Variants in BRIP1 observed in about 807,000 individuals in gnomAD.
BRIP1 encodes BRCA1 interacting DNA helicase 1.
In BRIP1, 88 loss-of-function variants were observed where a neutral mutation model predicts 119.7. That is an observed-to-expected ratio of 0.74 (90% CI 0.62 to 0.88). The LOEUF (loss-of-function observed/expected upper bound fraction) is 0.88. Among genes scored for constraint, BRIP1 ranks in the 40% least tolerant of loss-of-function variants. BRIP1 has a pLI of 0.00. For synonymous variants in BRIP1, 443 were observed against 496.5 expected (o/e 0.89, Z 1.43); for missense variants, 1,259 against 1,455.4 (o/e 0.87, Z 2.20).
At chr17:61,818,377 C>T (rs1330615583) in intron 6 of BRIP1, among the ~76,000 whole-genome samples, 1 of 152,096 alleles carries the variant, frequency 6.6e-6, no homozygotes, top group African/African-American at 2.4e-5. Flanking sequence ...AACACATATC[C>T]AAAGACACTC....
At chr17:61,779,248 G>A (rs2077577807) in intron 13 of BRIP1, among the ~76,000 whole-genome samples, 2 of 152,130 alleles carry the variant, frequency 1.3e-5, no homozygotes, top group Admixed American at 1.3e-4. Flanking sequence ...GGAAGAATCA[G>A]GATACACTGT....
rs1287525286 is a variant in BRIP1 at position 61,776,667 on chromosome 17, A to G, written c.1936-105T>C. On this transcript the variant is annotated intron_variant, in intron 13 of 19. Transcript: ENST00000259008. The surrounding 1 kb of genome is among the most constrained non-coding windows in gnomAD (Gnocchi z 5.0). ...AAAAGATCAAGCAACAAGTTTAACA[A>G]TTTATTTTTAAATTGTCAGGGGGTT... The G allele has an allele frequency of 8.9e-6, 11 of 1,235,288 alleles. No homozygotes were observed. In the South Asian group the frequency reaches 1.2e-4, roughly 14 times the overall value. The allele number at this position is 1,235,288 out of a possible 1,614,324, so 76.5% of individuals were successfully genotyped here.
At chr17:61,732,676 A>G (rs1312564542) in intron 16 of BRIP1, among the ~76,000 whole-genome samples, 1 of 152,156 alleles carries the variant, frequency 6.6e-6, no homozygotes, top group Non-Finnish European at 1.5e-5. Flanking sequence ...GTGCATGACA[A>G]AACATTCAAT....
At chr17:61,785,236 T>C (rs776276025) in intron 10 of BRIP1, among the ~76,000 whole-genome samples, 2 of 152,210 alleles carry the variant, frequency 1.3e-5, no homozygotes, top group Non-Finnish European at 2.9e-5. Flanking sequence ...CAAAACTAAA[T>C]GACTTAAGGA....
In BRIP1 at chr17:61,708,912, G is replaced by A. The variant is rs948952182; in HGVS notation, c.2492+7039C>T. Among the ~76,000 whole-genome samples, 6 of 152,110 alleles carry A rather than the reference G, an allele frequency of 3.9e-5. No individual in the cohort carries two copies. Among genetic ancestry groups the A allele is most frequent in the Non-Finnish European group, 7.4e-5 (5 of 68,026 alleles). ...CCTACTCAGAGCTGAAAAGAAAAGG[G>A]GGGTGGAGTTCTCACATTCAGTATG... is the stretch of plus-strand genomic sequence containing the variant. On this transcript the variant is annotated intron_variant, in intron 17 of 19. Coordinates refer to ENST00000259008, the MANE Select transcript of BRIP1 (RefSeq NM_032043.3). This position sits in a 1 kb window ranked among gnomAD's most constrained non-coding sequence, Gnocchi z 4.4.
chr17:61,706,287 C>T lies in BRIP1; in HGVS notation c.2492+9664G>A, dbSNP rs748242441. 7.9e-5 allele frequency among the ~76,000 whole-genome samples: 12 copies of T among 152,092 alleles called. No individual in the cohort carries two copies. Among genetic ancestry groups the T allele is most frequent in the Non-Finnish European group, 1.8e-4 (12 of 68,000 alleles). ...TTCTTAATCTACCTGCTAGTGTTGA[C>T]TTTTCAGAGTTCTCAAACAGCTACT... On this transcript the variant is annotated intron_variant, in intron 17 of 19. Transcript: ENST00000259008. The surrounding 1 kb of genome is among the most constrained non-coding windows in gnomAD (Gnocchi z 5.7).
At position 61,860,615 on chromosome 17, in the gene BRIP1, G is replaced by A. The variant is rs1477563562; in HGVS notation, c.94-708C>T. On this transcript the variant is annotated intron_variant, in intron 2 of 19. Coordinates refer to ENST00000259008, the MANE Select transcript of BRIP1 (RefSeq NM_032043.3). The surrounding 1 kb of genome is among the most constrained non-coding windows in gnomAD (Gnocchi z 4.1). ...GCAGGGGTTGCAGTGAGCCAAGATC[G>A]CGCCACTGCACTCCAATCTGGGCGA... Among the ~76,000 whole-genome samples the A allele has an allele frequency of 2.6e-5, 4 of 152,204 alleles. No homozygotes were observed. The highest frequency in any genetic ancestry group is 2.1e-4 in the South Asian group (1 of 4,820).
intron 18 of BRIP1, among the ~76,000 whole-genome samples, chr17:61,688,938 C>T (rs1370773357): frequency 6.6e-6 from 1 of 151,620 alleles, no homozygotes; most frequent in African/African-American, 2.4e-5. Flanking sequence ...GAAAAATTCA[C>T]TACAGGGGTT....
chr17:61,834,298 T>G lies in BRIP1; in HGVS notation c.627+12803A>C, dbSNP rs913538441. Reference sequence around the variant, plus strand: ...TCATATATACTACATAACAAATATATGTAATATATACTACAGTATCAACCC... The same window carrying G: ...TCATATATACTACATAACAAATATAGGTAATATATACTACAGTATCAACCC... On this transcript the variant is annotated intron_variant, in intron 6 of 19. Coordinates refer to ENST00000259008, the MANE Select transcript of BRIP1 (RefSeq NM_032043.3). The surrounding 1 kb of genome is among the most constrained non-coding windows in gnomAD (Gnocchi z 4.4). Among the ~76,000 whole-genome samples the G allele has an allele frequency of 1.3e-5, 2 of 152,120 alleles. No homozygotes were observed. The highest frequency in any genetic ancestry group is 4.1e-4 in the South Asian group (2 of 4,836).
In BRIP1 at chr17:61,748,968, T is replaced by C. The variant is rs1337935052; in HGVS notation, c.2098-4377A>G. Among the ~76,000 whole-genome samples, 2 of 151,950 alleles carry C rather than the reference T, an allele frequency of 1.3e-5. No individual in the cohort carries two copies. Among genetic ancestry groups the C allele is most frequent in the African/African-American group, 4.8e-5 (2 of 41,366 alleles). On this transcript the variant is annotated intron_variant, in intron 14 of 19. Transcript: ENST00000259008. The surrounding 1 kb of genome is among the most constrained non-coding windows in gnomAD (Gnocchi z 4.7). ...CTGGCTAACACGGTGAAACCCCATC[T>C]CTACTAAAAATACAAAAAATTAGCC... is the stretch of plus-strand genomic sequence containing the variant.
chr17:61,830,755 C>A (rs934940297), intron 6 of BRIP1, among the ~76,000 whole-genome samples: 1 of 152,162 alleles, frequency 6.6e-6, no homozygotes, highest in African/African-American at 2.4e-5. Flanking sequence ...GAAGTAATAT[C>A]AATACTTCCC....
rs746619221 is a variant in BRIP1 at position 61,780,799 on chromosome 17, T to C, written c.1794+41A>G. The stretch of plus-strand genomic sequence containing the variant: ...ACCACATTTATTAAAATGCTGGTAC[T>C]GAGCAAGAAGACAAAATTTCCATTT... On this transcript the variant is annotated intron_variant, in intron 12 of 19. Coordinates refer to ENST00000259008, the MANE Select transcript of BRIP1 (RefSeq NM_032043.3). The surrounding 1 kb of genome is among the most constrained non-coding windows in gnomAD (Gnocchi z 5.4). 4 of 1,590,714 alleles carry C rather than the reference T, an allele frequency of 2.5e-6. No individual in the cohort carries two copies. Among genetic ancestry groups the C allele is most frequent in the Non-Finnish European group, 3.5e-6 (4 of 1,158,758 alleles).
At position 61,695,803 on chromosome 17, in the gene BRIP1, A is replaced by AT. The variant is rs1237354932; in HGVS notation, c.2493-2292dup. Reference sequence around the variant, plus strand: ...CTGCTAGTGAATAAAAATGTCATTGATTTTTTAATATTGGTCTTGTAACCT... The same window carrying AT: ...CTGCTAGTGAATAAAAATGTCATTGATTTTTTTAATATTGGTCTTGTAACCT... On this transcript the variant is annotated intron_variant, in intron 17 of 19. Transcript: ENST00000259008. This position sits in a 1 kb window ranked among gnomAD's most constrained non-coding sequence, Gnocchi z 4.3. 6.6e-6 allele frequency among the ~76,000 whole-genome samples: 1 copy of AT among 152,082 alleles called. No homozygotes were observed. Among genetic ancestry groups the AT allele is most frequent in the Non-Finnish European group, 1.5e-5 (1 of 67,958 alleles).
intron 13 of BRIP1, among the ~76,000 whole-genome samples, chr17:61,777,089 A>T (rs2077546210): frequency 6.6e-6 from 1 of 152,206 alleles, no homozygotes; most frequent in Admixed American, 6.5e-5. Context: ...TTATATGTAG[A>T]GAGAGGGAGA....
rs780531478 is a variant in BRIP1, at chr17:61,810,180, T to C, written c.628-1423A>G. Reference sequence around the variant, plus strand: ...CATTACAGAGTGCTGCCACATTAAATAGCCAGTTCCAAATATCCTGCCTTC... The same window carrying C: ...CATTACAGAGTGCTGCCACATTAAACAGCCAGTTCCAAATATCCTGCCTTC... On this transcript the variant is annotated intron_variant, in intron 6 of 19. Transcript: ENST00000259008. The surrounding 1 kb of genome is among the most constrained non-coding windows in gnomAD (Gnocchi z 4.7). Among the ~76,000 whole-genome samples the C allele has an allele frequency of 2.6e-5, 4 of 152,228 alleles. No homozygotes were observed. Among genetic ancestry groups the C allele is most frequent in the Non-Finnish European group, 4.4e-5 (3 of 68,034 alleles).
At chr17:61,718,895 CT>C (rs1354054001) in intron 16 of BRIP1, among the ~76,000 whole-genome samples, 5 of 152,128 alleles carry the variant, frequency 3.3e-5, no homozygotes, top group African/African-American at 1.2e-4. Context: ...CTCCTTTATA[CT>C]TTAAATAATC....
rs6504072 is a variant in BRIP1, at chr17:61,807,985, T to G, written c.918+482A>C. ...TTAGTATAACTTTTAAAAGAGGGGT[T>G]TGTATTTATCAGAATTATGAGGTGG... On this transcript the variant is annotated intron_variant, in intron 7 of 19. Coordinates refer to ENST00000259008, the MANE Select transcript of BRIP1 (RefSeq NM_032043.3). The surrounding 1 kb of genome is among the most constrained non-coding windows in gnomAD (Gnocchi z 4.5). Among the ~76,000 whole-genome samples, 119,707 of 152,026 alleles carry G rather than the reference T, an allele frequency of 0.79. 47,699 individuals carry two copies. The highest frequency in any genetic ancestry group is 0.87 in the African/African-American group (36,270 of 41,494).
At position 61,683,849 on chromosome 17, in the gene BRIP1, GA is replaced by G. The variant is rs730881645; in HGVS notation, c.3196del (p.Ser1066HisfsTer12). 15 of 1,614,024 alleles carry G rather than the reference GA, an allele frequency of 9.3e-6. No homozygotes were observed. The African/African-American group carries it at 1.9e-4, about 20-fold the overall frequency. ...SNLTVNTSFG[S>X]CPQSETIISS... is the part of the protein sequence containing the mutation. ...AATAATGGTTTCTGATTGAGGGCATGATCCAAACGATGTGTTTACTGTCAGA... is the reference window on the plus strand; with the variant it reads ...AATAATGGTTTCTGATTGAGGGCATGTCCAAACGATGTGTTTACTGTCAGA... On this transcript the variant is annotated frameshift_variant, in exon 20 of 20. Transcript: ENST00000259008. LOFTEE classifies it low-confidence loss of function (END_TRUNC). The surrounding 1 kb of genome is among the most constrained non-coding windows in gnomAD (Gnocchi z 4.7).
Position 61,810,768 on chromosome 17 carries a change from A to T in BRIP1, c.628-2011T>A, listed in dbSNP as rs1567840110. ...AAACAATAATACAGAAATATTTTTT[A>T]AAAATCAACTATCCCATCACGAATA... On this transcript the variant is annotated intron_variant, in intron 6 of 19. Transcript: ENST00000259008. The surrounding 1 kb of genome is among the most constrained non-coding windows in gnomAD (Gnocchi z 4.7). Among the ~76,000 whole-genome samples the T allele has an allele frequency of 6.6e-6, 1 of 152,208 alleles. No individual in the cohort carries two copies. Among genetic ancestry groups the T allele is most frequent in the East Asian group, 1.9e-4 (1 of 5,202 alleles).
Sources: gnomAD v4.1 joint callset for allele counts (sites outside exome capture counted in the v4.1 genomes callset) on GRCh38, gnomAD v4.1.1 for gene constraint, Gnocchi (gnomAD v3.1) non-coding constraint, MANE v1.5 for transcripts, NCBI Gene and HGNC (gene_info 2026-07-23, HGNC 2026-07-21) for gene names.